Variants in PTPRM observed in about 807,000 individuals in gnomAD.
PTPRM encodes the protein protein tyrosine phosphatase receptor type M.
Under a neutral mutation model 186.7 loss-of-function variants are expected in PTPRM, and 47 were observed. The ratio of observed to expected loss-of-function variants is 0.25; its 90% CI spans 0.20 to 0.32. PTPRM has a LOEUF of 0.32. Among genes scored for constraint, PTPRM ranks in the 10% least tolerant of loss-of-function variants. PTPRM has a pLI of 1.00. For missense variants in PTPRM, 1,494 were observed against 1,865.0 expected, an observed-to-expected ratio of 0.80 and a Z score of 3.66; for synonymous variants, 668 against 674.9, an observed-to-expected ratio of 0.99 and a Z score of 0.16.
chr18:8,234,033 A>G (rs2094317018), intron 14 of PTPRM, among the ~76,000 whole-genome samples: 1 of 152,210 alleles, frequency 6.6e-6, no homozygotes, highest in Non-Finnish European at 1.5e-5. Context: ...GTAGCTTTAT[A>G]GTAAGTCTGG....
chr18:8,176,338 G>A (rs1350444120), intron 14 of PTPRM, among the ~76,000 whole-genome samples: 2 of 152,186 alleles, frequency 1.3e-5, no homozygotes, highest in Non-Finnish European at 2.9e-5. Context: ...GCCATCTATT[G>A]CCAGTGATTT....
intron 14 of PTPRM, among the ~76,000 whole-genome samples, chr18:8,162,953 C>G (rs1302556398): frequency 6.6e-6 from 1 of 152,170 alleles, no homozygotes; most frequent in Non-Finnish European, 1.5e-5. Flanking sequence ...AACACTGGAG[C>G]CCTCAGGGCA....
intron 14 of PTPRM, among the ~76,000 whole-genome samples, chr18:8,216,976 T>C (rs985319919): frequency 6.6e-6 from 1 of 152,234 alleles, no homozygotes; most frequent in Non-Finnish European, 1.5e-5. Flanking sequence ...TTTAGAACCA[T>C]GTTGCTTATG....
intron 1 of PTPRM, among the ~76,000 whole-genome samples, chr18:7,695,878 G>GAACCAA (rs2039833093): frequency 6.6e-6 from 1 of 152,196 alleles, no homozygotes; most frequent in African/African-American, 2.4e-5. Context: ...ATCATTTAAA[G>GAACCAA]ATAAATGGGC....
intron 2 of PTPRM, among the ~76,000 whole-genome samples, chr18:7,803,606 A>G (rs1319697507): frequency 6.6e-6 from 1 of 152,224 alleles, no homozygotes; most frequent in Non-Finnish European, 1.5e-5. Context: ...CAAAGTATGT[A>G]TGTAGAGCTG....
chr18:7,934,743 G>A (rs1415543014), intron 5 of PTPRM, among the ~76,000 whole-genome samples: 1 of 152,158 alleles, frequency 6.6e-6, no homozygotes, highest in Non-Finnish European at 1.5e-5. Flanking sequence ...AAGCGGCTGA[G>A]GCTTCTTCTT....
At chr18:7,993,920 C>T (rs1599924545) in intron 7 of PTPRM, among the ~76,000 whole-genome samples, 1 of 151,940 alleles carries the variant, frequency 6.6e-6, no homozygotes, top group Non-Finnish European at 1.5e-5. Context: ...ACAAAACAAA[C>T]AAAAAACAAT....
intron 1 of PTPRM, among the ~76,000 whole-genome samples, chr18:7,608,489 T>C (rs1258239974): frequency 6.6e-6 from 1 of 152,304 alleles, no homozygotes; most frequent in African/African-American, 2.4e-5. Flanking sequence ...AAGCTCTACA[T>C]TGATCTCTGG....
intron 1 of PTPRM, among the ~76,000 whole-genome samples, chr18:7,760,464 G>A (rs2041715106): frequency 1.3e-5 from 2 of 152,204 alleles, no homozygotes; most frequent in South Asian, 4.1e-4. Flanking sequence ...TCTGGTTGAA[G>A]CAGGGTTTTA....
intron 7 of PTPRM, among the ~76,000 whole-genome samples, chr18:7,960,480 T>TATATATATACAC (rs1300573371): frequency 1.6e-4 from 14 of 86,592 alleles, no homozygotes; most frequent in African/African-American, 5.2e-4. Context: ...TATATATATA[T>TATATATATACAC]ACACACACAC....
chr18:7,921,937 G>A (rs2050889069), intron 4 of PTPRM, among the ~76,000 whole-genome samples: 1 of 152,100 alleles, frequency 6.6e-6, no homozygotes, highest in South Asian at 2.1e-4. Context: ...GTTTCTTGTG[G>A]ATGTATGTCT....
intron 14 of PTPRM, among the ~76,000 whole-genome samples, chr18:8,145,620 G>T (rs2092865568): frequency 6.6e-6 from 1 of 152,136 alleles, no homozygotes; most frequent in Non-Finnish European, 1.5e-5. Flanking sequence ...ATGGTTTCCA[G>T]CTTCATCCAT....
intron 2 of PTPRM, among the ~76,000 whole-genome samples, chr18:7,790,636 G>A (rs886066631): frequency 2.6e-5 from 4 of 152,150 alleles, no homozygotes; most frequent in African/African-American, 7.2e-5. Flanking sequence ...ATCTCTCTAA[G>A]ACTTATCTTT....
At chr18:8,057,068 C>T (rs2088024114) in intron 7 of PTPRM, among the ~76,000 whole-genome samples, 1 of 150,974 alleles carries the variant, frequency 6.6e-6, no homozygotes, top group African/African-American at 2.4e-5. Flanking sequence ...AATGAAATCT[C>T]ATGTTGCAAA....
intron 14 of PTPRM, among the ~76,000 whole-genome samples, chr18:8,160,107 C>T (rs188106363): frequency 2.8e-3 from 418 of 151,962 alleles, no homozygotes; most frequent in African/African-American, 9.6e-3. Flanking sequence ...TTTATTTAAA[C>T]GATCATTTAT....
chr18:7,889,177 A>G (rs1028345867), intron 3 of PTPRM, among the ~76,000 whole-genome samples: 11 of 152,152 alleles, frequency 7.2e-5, no homozygotes, highest in African/African-American at 2.7e-4. Flanking sequence ...ATGCTATTTG[A>G]TAAGGAGTGT....
chr18:8,206,196 A>AT (rs2093925758), intron 14 of PTPRM, among the ~76,000 whole-genome samples: 1 of 152,120 alleles, frequency 6.6e-6, no homozygotes, highest in South Asian at 2.1e-4. Flanking sequence ...GCAGAGTGAG[A>AT]TGAGGGGGAG....
At chr18:7,936,403 C>T (rs1019685861) in intron 5 of PTPRM, among the ~76,000 whole-genome samples, 5 of 152,214 alleles carry the variant, frequency 3.3e-5, no homozygotes, top group South Asian at 2.1e-4. Flanking sequence ...TCCCAGTGCC[C>T]GCTTCAATCT....
intron 14 of PTPRM, among the ~76,000 whole-genome samples, chr18:8,242,598 T>A (rs1471449206): frequency 1.3e-5 from 2 of 152,200 alleles, no homozygotes. Context: ...CTGTCAGAGA[T>A]GTTATAAGTA....
Sources: gnomAD v4.1 joint callset for allele counts (sites outside exome capture counted in the v4.1 genomes callset) on GRCh38, gnomAD v4.1.1 for gene constraint, MANE v1.5 for transcripts, NCBI Gene and HGNC (gene_info 2026-07-23, HGNC 2026-07-21) for gene names.